The following PPFIBP2 variants were observed in gnomAD, a reference collection of about 807,000 sequenced individuals.
The protein encoded by PPFIBP2 is PPFIB scaffold protein 2, also known as liprin-beta-2.
In PPFIBP2, 118 loss-of-function variants were observed where a neutral mutation model predicts 118.3. The observed-to-expected ratio is 1.00, with a 90% CI of 0.86 to 1.16. The LOEUF (loss-of-function observed/expected upper bound fraction) is 1.16, where lower values mean the gene tolerates loss of function less well. Among genes scored for constraint, PPFIBP2 ranks in the 50% most tolerant of loss-of-function variants. The pLI is 0.00. For synonymous variants in PPFIBP2, 414 were observed against 397.4 expected (o/e 1.04, Z -0.50); for missense variants, 1,195 against 1,073.1 (o/e 1.11, Z -1.59).
At chr11:7,577,341 G>GTA in intron 3 of PPFIBP2, 2 of 337,204 alleles carry the variant, frequency 5.9e-6, no homozygotes, top group Non-Finnish European at 1.2e-5. Flanking sequence ...GTGTGTGTGT[G>GTA]TGTGTGTGTG....
intron 2 of PPFIBP2, among the ~76,000 whole-genome samples, chr11:7,563,825 C>T (rs1024188392): frequency 3.9e-5 from 6 of 152,094 alleles, no homozygotes; most frequent in African/African-American, 1.4e-4. Flanking sequence ...ACTGAACTTA[C>T]GGAAAGGAGA....
intron 2 of PPFIBP2, among the ~76,000 whole-genome samples, chr11:7,559,434 T>C (rs1854046584): frequency 6.6e-6 from 1 of 152,156 alleles, no homozygotes; most frequent in Admixed American, 6.5e-5. Flanking sequence ...ATTTTGCAAT[T>C]GCTAATGCTG....
intron 6 of PPFIBP2, among the ~76,000 whole-genome samples, chr11:7,614,556 A>G (rs1245953920): frequency 6.6e-6 from 1 of 152,226 alleles, no homozygotes; most frequent in Non-Finnish European, 1.5e-5. Flanking sequence ...AGTTTCTGCT[A>G]TTACAAATAA....
intron 3 of PPFIBP2, among the ~76,000 whole-genome samples, chr11:7,589,058 G>A (rs1224765810): frequency 6.6e-6 from 1 of 152,194 alleles, no homozygotes; most frequent in African/African-American, 2.4e-5. Flanking sequence ...TGAGAAGATT[G>A]ACTTTTCCCT....
chr11:7,559,561 A>AGGCC (rs1208493127), intron 2 of PPFIBP2, among the ~76,000 whole-genome samples: 1 of 152,140 alleles, frequency 6.6e-6, no homozygotes, highest in African/African-American at 2.4e-5. Flanking sequence ...TGGTATGCAG[A>AGGCC]GGCCTGTAGG....
intron 3 of PPFIBP2, chr11:7,577,332 T>TGTGC (rs1554958810): frequency 1.4e-3 from 330 of 243,640 alleles, no homozygotes; most frequent in East Asian, 2.4e-3. Context: ...TGTGTGTGTG[T>TGTGC]GTGTGTGTGT....
chr11:7,594,819 A>G (rs1023650122), intron 4 of PPFIBP2, among the ~76,000 whole-genome samples: 7 of 151,704 alleles, frequency 4.6e-5, no homozygotes, highest in African/African-American at 7.3e-5. Flanking sequence ...CGGAAGGCTG[A>G]CGTAGGAGAA....
intron 8 of PPFIBP2, among the ~76,000 whole-genome samples, chr11:7,627,297 A>G (rs1407693332): frequency 6.6e-6 from 1 of 152,220 alleles, no homozygotes; most frequent in African/African-American, 2.4e-5. Context: ...TTAGCTACCT[A>G]GAGCCTAAAT....
At chr11:7,645,784 A>G (rs79319186) in intron 17 of PPFIBP2, among the ~76,000 whole-genome samples, 10,136 of 152,214 alleles carry the variant, frequency 0.067, 939 homozygotes, top group African/African-American at 0.21. Context: ...TCTCAAAAAC[A>G]CTTATTTCCC....
intron 1 of PPFIBP2, among the ~76,000 whole-genome samples, chr11:7,529,481 C>T (rs796236807): frequency 1.3e-5 from 2 of 152,262 alleles, no homozygotes; most frequent in African/African-American, 2.4e-5. Context: ...AACCGGGAGG[C>T]CTTTCTCAGA....
chr11:7,571,838 G>A (rs1217675620), intron 3 of PPFIBP2: 3 of 152,204 alleles, frequency 2.0e-5, no homozygotes, highest in Non-Finnish European at 2.9e-5. Flanking sequence ...TGCAGTGCTG[G>A]AAGAAGCCAC....
At chr11:7,649,711 C>T (rs200518620) in intron 21 of PPFIBP2, 57 bp downstream of exon 21, 11 of 1,599,930 alleles carry the variant, frequency 6.9e-6, no homozygotes, top group Middle Eastern at 1.7e-4. Context: ...CCTGAAACAT[C>T]GAGCATGAGC....
rs540315398 is a variant in PPFIBP2, at chr11:7,616,703, C to T, written c.619-4232C>T. Among the ~76,000 whole-genome samples the T allele has an allele frequency of 2.0e-5, 3 of 152,180 alleles. No individual in the cohort carries two copies. The highest frequency in any genetic ancestry group is 2.1e-4 in the South Asian group (1 of 4,828). ...TGTCCCCTGTGCATAGGTGCTGACA[C>T]GTTGGGTGTTTGGGTAAGGGGAGTC... is the stretch of plus-strand genomic sequence containing the variant. On this transcript the variant is annotated intron_variant, in intron 6 of 23. Coordinates refer to ENST00000299492, the MANE Select transcript of PPFIBP2 (RefSeq NM_003621.5). The surrounding 1 kb of genome is among the most constrained non-coding windows in gnomAD (Gnocchi z 5.2).
chr11:7,630,891 C>T (rs1490956610), intron 10 of PPFIBP2, 34 bp from the exon 11 acceptor site: 1 of 1,480,820 alleles, frequency 6.8e-7, no homozygotes. Context: ...AACATGAATT[C>T]AACAATTCAG....
intron 1 of PPFIBP2, among the ~76,000 whole-genome samples, chr11:7,523,218 C>T (rs1849919027): frequency 6.6e-6 from 1 of 152,154 alleles, no homozygotes; most frequent in South Asian, 2.1e-4. Flanking sequence ...CCTCACCCCT[C>T]CCTTCCACAC....
intron 14 of PPFIBP2, among the ~76,000 whole-genome samples, chr11:7,635,952 G>T (rs899674731): frequency 1.3e-5 from 2 of 152,044 alleles, no homozygotes; most frequent in African/African-American, 4.8e-5. Context: ...ATATGTCATG[G>T]TTAAAAAAAC....
Position 7,565,994 on chromosome 11 carries a change from C to T in PPFIBP2, c.279+227C>T, listed in dbSNP as rs929460000. 5.8e-4 allele frequency among the ~76,000 whole-genome samples: 88 copies of T among 152,108 alleles called. 1 individual carries two copies. The highest frequency in any genetic ancestry group is 2.1e-3 in the African/African-American group (87 of 41,384). On this transcript the variant is annotated intron_variant, in intron 3 of 23. Coordinates refer to ENST00000299492, the MANE Select transcript of PPFIBP2 (RefSeq NM_003621.5). Reference sequence around the variant, plus strand: ...CCCTTCCATGGTCCACAGTTGGCCTCTCCTGAGGAAATCCAGGGCCAGAGA... The same window carrying T: ...CCCTTCCATGGTCCACAGTTGGCCTTTCCTGAGGAAATCCAGGGCCAGAGA...
chr11:7,665,940 C>A, the PPFIBP2 span: 1 of 1,535,380 alleles, frequency 6.5e-7, no homozygotes, highest in South Asian at 1.2e-5. Flanking sequence ...GACCAGGGAC[C>A]TGTATGACAA....
At chr11:7,619,564 G>C (rs779271188) in intron 6 of PPFIBP2, among the ~76,000 whole-genome samples, 1 of 152,222 alleles carries the variant, frequency 6.6e-6, no homozygotes, top group Non-Finnish European at 1.5e-5. Context: ...GTTGCTTTGA[G>C]AGGAGCAAGA....
Sources: gnomAD v4.1 joint callset for allele counts (sites outside exome capture counted in the v4.1 genomes callset) on GRCh38, gnomAD v4.1.1 for gene constraint, Gnocchi (gnomAD v3.1) non-coding constraint, MANE v1.5 for transcripts, NCBI Gene and HGNC (gene_info 2026-07-23, HGNC 2026-07-21) for gene names.